The following LARGE1 variants were observed in gnomAD, a reference collection of about 807,000 sequenced individuals.
The protein encoded by LARGE1 is xylosyl- and glucuronyltransferase LARGE1.
Under a neutral mutation model 87.6 loss-of-function variants are expected in LARGE1, and 43 were observed. The ratio of observed to expected loss-of-function variants is 0.49; its 90% CI spans 0.38 to 0.63. The LOEUF is 0.63. LARGE1 is among the 30% of genes least tolerant of loss of function. The pLI is 0.00. For synonymous variants in LARGE1, 434 were observed against 394.6 expected (o/e 1.10, Z -1.18); for missense variants, 802 against 1,000.2 (o/e 0.80, Z 2.67).
chr22:33,413,968 T>A (rs2066399748), intron 7 of LARGE1, among the ~76,000 whole-genome samples: 1 of 152,206 alleles, frequency 6.6e-6, no homozygotes, highest in African/African-American at 2.4e-5. Flanking sequence ...TGTTACAATA[T>A]CTTGCCTATT....
At chr22:33,406,487 G>GA (rs1422642604) in intron 7 of LARGE1, among the ~76,000 whole-genome samples, 2 of 151,972 alleles carry the variant, frequency 1.3e-5, no homozygotes, top group East Asian at 3.9e-4. Flanking sequence ...CCTGTGTGAT[G>GA]AAACATCCAT....
intron 7 of LARGE1, among the ~76,000 whole-genome samples, chr22:33,417,348 T>C (rs2066535693): frequency 1.3e-5 from 2 of 152,190 alleles, no homozygotes; most frequent in Non-Finnish European, 2.9e-5. Flanking sequence ...CCCTTCTCCA[T>C]TTCTAATCAC....
At chr22:33,784,824 CAT>C (rs979474522) in intron 1 of LARGE1, among the ~76,000 whole-genome samples, 2 of 151,442 alleles carry the variant, frequency 1.3e-5, no homozygotes, top group African/African-American at 4.9e-5. Context: ...TGTATATACA[CAT>C]ATATGTATAA....
chr22:33,479,579 A>C (rs1225425498), intron 6 of LARGE1, among the ~76,000 whole-genome samples: 3 of 152,182 alleles, frequency 2.0e-5, no homozygotes, highest in African/African-American at 7.2e-5. Flanking sequence ...TGACTGAATA[A>C]GCCAAGCTAC....
chr22:33,836,229 A>T (rs1402521283), intron 1 of LARGE1, among the ~76,000 whole-genome samples: 1 of 152,188 alleles, frequency 6.6e-6, no homozygotes, highest in Admixed American at 6.5e-5. Context: ...CCCATTCACT[A>T]GTTGATCCTA....
chr22:33,373,792 G>T (rs1367556582), intron 9 of LARGE1, among the ~76,000 whole-genome samples: 2 of 151,950 alleles, frequency 1.3e-5, no homozygotes, highest in African/African-American at 2.4e-5. Flanking sequence ...GGATAACATG[G>T]TGAAACCCTG....
chr22:33,810,411 T>C (rs1224771150), intron 1 of LARGE1, among the ~76,000 whole-genome samples: 1 of 152,152 alleles, frequency 6.6e-6, no homozygotes, highest in Non-Finnish European at 1.5e-5. Context: ...ATAAGGCACA[T>C]GAATCCAAGA....
At chr22:33,468,815 C>T (rs1274090143) in intron 6 of LARGE1, among the ~76,000 whole-genome samples, 1 of 152,110 alleles carries the variant, frequency 6.6e-6, no homozygotes, top group African/African-American at 2.4e-5. Flanking sequence ...CACAAAGCTG[C>T]CTCCCCAAAA....
At chr22:33,350,948 GA>G (rs1459828155) in intron 9 of LARGE1, among the ~76,000 whole-genome samples, 1 of 152,218 alleles carries the variant, frequency 6.6e-6, no homozygotes, top group Non-Finnish European at 1.5e-5. Flanking sequence ...GACATTAAGA[GA>G]AAAGGGGCTT....
chr22:33,398,339 G>A (rs1446909956), intron 7 of LARGE1, among the ~76,000 whole-genome samples: 1 of 151,694 alleles, frequency 6.6e-6, no homozygotes, highest in Non-Finnish European at 1.5e-5. Flanking sequence ...CTAATACGAA[G>A]TTAAAAAAAA....
At chr22:33,538,836 T>C (rs1374426345) in intron 6 of LARGE1, among the ~76,000 whole-genome samples, 4 of 152,234 alleles carry the variant, frequency 2.6e-5, no homozygotes, top group Non-Finnish European at 4.4e-5. Context: ...CTCTGATTGC[T>C]GGCAAGTTTG....
intron 1 of LARGE1, among the ~76,000 whole-genome samples, chr22:33,843,675 A>G (rs1018971518): frequency 6.6e-5 from 10 of 152,058 alleles, no homozygotes; most frequent in Middle Eastern, 3.4e-3. Flanking sequence ...AATGTTACTG[A>G]TGAAAACAAG....
chr22:33,081,502 G>A, the LARGE1 span, among the ~76,000 whole-genome samples: 2 of 152,194 alleles, frequency 1.3e-5, no homozygotes, highest in Non-Finnish European at 2.9e-5. Flanking sequence ...CTGGAATACA[G>A]TGATGAGGAA....
intron 1 of LARGE1, among the ~76,000 whole-genome samples, chr22:33,776,053 G>A (rs2085226359): frequency 6.6e-6 from 1 of 152,148 alleles, no homozygotes; most frequent in South Asian, 2.1e-4. Context: ...TTCCCTCACT[G>A]AAAGGTTCCA....
intron 9 of LARGE1, among the ~76,000 whole-genome samples, chr22:33,363,038 G>A (rs1050072358): frequency 1.3e-5 from 2 of 150,050 alleles, no homozygotes; most frequent in Non-Finnish European, 3.0e-5. Context: ...TATGATTCTC[G>A]CTTTAAATGA....
intron 6 of LARGE1, among the ~76,000 whole-genome samples, chr22:33,453,676 T>C (rs5994747): frequency 0.065 from 9,850 of 152,198 alleles, 1,061 homozygotes; most frequent in African/African-American, 0.23. Context: ...TCTGTGTCCA[T>C]CTGTCTTTCC....
At chr22:33,582,862 C>T (rs140350125) in intron 5 of LARGE1, among the ~76,000 whole-genome samples, 248 of 152,340 alleles carry the variant, frequency 1.6e-3, no homozygotes, top group African/African-American at 5.6e-3. Context: ...AGAGTGAATT[C>T]CTTCTGCTAG....
chr22:33,882,637 T>C (rs1380669530), intron 1 of LARGE1, among the ~76,000 whole-genome samples: 1 of 152,202 alleles, frequency 6.6e-6, no homozygotes, highest in Non-Finnish European at 1.5e-5. Context: ...AAATAAGGTA[T>C]TTTGCAAATA....
chr22:33,572,269 T>C (rs1003035969), intron 5 of LARGE1: 33 of 1,188,656 alleles, frequency 2.8e-5, no homozygotes, highest in Non-Finnish European at 3.6e-5. Flanking sequence ...TTCTGAGTGG[T>C]TGTCTTGGCA....
Sources: gnomAD v4.1 joint callset for allele counts (sites outside exome capture counted in the v4.1 genomes callset) on GRCh38, gnomAD v4.1.1 for gene constraint, MANE v1.5 for transcripts, NCBI Gene and HGNC (gene_info 2026-07-23, HGNC 2026-07-21) for gene names.